Variants in DDR2 observed in about 807,000 individuals in gnomAD.
DDR2 encodes discoidin domain receptor tyrosine kinase 2.
In DDR2, 27 loss-of-function variants were observed where a neutral mutation model predicts 94.9. The observed-to-expected ratio is 0.28, with a 90% CI of 0.21 to 0.39. DDR2 has a LOEUF of 0.39. Ranked by LOEUF, DDR2 falls within the 10% of genes least tolerant of loss-of-function variation. DDR2 has a pLI of 1.00. For synonymous variants in DDR2, 382 were observed against 377.2 expected (o/e 1.01, Z -0.15); for missense variants, 783 against 1,076.0 (o/e 0.73, Z 3.81).
At chr1:162,684,893 G>A (rs1429422391) in intron 2 of DDR2, among the ~76,000 whole-genome samples, 3 of 151,230 alleles carry the variant, frequency 2.0e-5, no homozygotes, top group Non-Finnish European at 4.4e-5. Context: ...GCTACCTTAT[G>A]TGATTCCTAC....
intron 2 of DDR2, among the ~76,000 whole-genome samples, chr1:162,702,401 C>T (rs1660472054): frequency 6.6e-6 from 1 of 152,132 alleles, no homozygotes; most frequent in Admixed American, 6.5e-5. Flanking sequence ...TCAGAAAAAA[C>T]AAGAATACCA....
rs987905999 is a variant in DDR2, at chr1:162,784,549, C to T, written c.*4303C>T. ...TAAAAACAGATTAATGTGTTTTTCACTTAGTAAATGTTTTCAAGAGCTGAA... is the reference window on the plus strand; with the variant it reads ...TAAAAACAGATTAATGTGTTTTTCATTTAGTAAATGTTTTCAAGAGCTGAA... On this transcript the variant is annotated 3_prime_UTR_variant, in exon 18 of 18. Coordinates refer to ENST00000367921, the MANE Select transcript of DDR2 (RefSeq NM_006182.4). 2 of 152,358 alleles carry T rather than the reference C, an allele frequency of 1.3e-5. No homozygotes were observed. Among genetic ancestry groups the T allele is most frequent in the African/African-American group, 4.8e-5 (2 of 41,336 alleles). 9.4% of individuals were successfully genotyped at this position (152,358 alleles called of 1,614,324 possible). A position where few individuals can be genotyped will look rare whatever the true frequency, so the allele number is the denominator to read the frequency against.
At chr1:162,740,910 C>G (rs139989178) in intron 3 of DDR2, among the ~76,000 whole-genome samples, 59 of 152,236 alleles carry the variant, frequency 3.9e-4, no homozygotes, top group South Asian at 4.1e-4. Flanking sequence ...GACTAAGCTA[C>G]ATGCCTCTGT....
intron 1 of DDR2, among the ~76,000 whole-genome samples, chr1:162,639,626 C>T (rs1215907146): frequency 6.6e-6 from 1 of 152,196 alleles, no homozygotes; most frequent in South Asian, 2.1e-4. Flanking sequence ...TGAAAGAAAT[C>T]CCTGATTAGC....
chr1:162,639,277 G>C (rs775891626), intron 1 of DDR2, among the ~76,000 whole-genome samples: 19 of 152,102 alleles, frequency 1.2e-4, no homozygotes, highest in Non-Finnish European at 2.6e-4. Context: ...TTGTGGTACT[G>C]GTGAAAAAAT....
rs1648062044 is a variant in DDR2, at chr1:162,784,339, C to A, written c.*4093C>A. On this transcript the variant is annotated 3_prime_UTR_variant, in exon 18 of 18. Transcript: ENST00000367921. Reference sequence around the variant, plus strand: ...AAAAGAAAATTGCAATACATGGCTACTAAGTCTTTGATCATAAGTCGAATT... The same window carrying A: ...AAAAGAAAATTGCAATACATGGCTAATAAGTCTTTGATCATAAGTCGAATT... The A allele has an allele frequency of 6.5e-6, 1 of 154,266 alleles. No individual in the cohort carries two copies. The highest frequency in any genetic ancestry group is 2.0e-4 in the South Asian group (1 of 4,904). 9.6% of individuals were successfully genotyped at this position (154,266 alleles called of 1,614,324 possible).
chr1:162,764,107 A>G (rs1435492063), intron 9 of DDR2, among the ~76,000 whole-genome samples: 2 of 152,166 alleles, frequency 1.3e-5, no homozygotes, highest in African/African-American at 4.8e-5. Flanking sequence ...TAGTTATATC[A>G]CCAGTGTGGT....
intron 1 of DDR2, among the ~76,000 whole-genome samples, chr1:162,641,618 T>C (rs1388288457): frequency 6.6e-6 from 1 of 152,212 alleles, no homozygotes; most frequent in African/African-American, 2.4e-5. Flanking sequence ...GGCACAGTTC[T>C]TATTTGTTGT....
chr1:162,642,517 C>T (rs1478245164), intron 1 of DDR2, among the ~76,000 whole-genome samples: 1 of 142,638 alleles, frequency 7.0e-6, no homozygotes, highest in Non-Finnish European at 1.5e-5. Flanking sequence ...CTTGAATTCT[C>T]GACCTCAGGT....
intron 16 of DDR2, chr1:162,777,819 T>C (rs1647667049): frequency 6.6e-6 from 1 of 152,424 alleles, no homozygotes; most frequent in African/African-American, 2.4e-5. Flanking sequence ...GCTATGACAA[T>C]TGGGTGTCCT....
intron 10 of DDR2, 49 bp from the exon 11 acceptor site, chr1:162,767,169 TCATACTTTTAC>T: frequency 6.2e-7 from 1 of 1,612,524 alleles, no homozygotes; most frequent in Non-Finnish European, 8.5e-7. Context: ...GTTCAGTCCC[TCATACTTTTAC>T]TTGACCTGTG....
chr1:162,708,853 T>A (rs75033715), intron 2 of DDR2, among the ~76,000 whole-genome samples: 302 of 152,326 alleles, frequency 2.0e-3, no homozygotes, highest in African/African-American at 6.8e-3. Context: ...ATATAGGTGT[T>A]AATGGATACA....
At chr1:162,718,997 C>G (rs1661291881) in intron 2 of DDR2, 40 bp from the exon 3 acceptor site, 1 of 1,594,254 alleles carries the variant, frequency 6.3e-7, no homozygotes, top group Non-Finnish European at 8.6e-7. Flanking sequence ...CATTTCCTCT[C>G]CTTCTCTTTC....
intron 3 of DDR2, among the ~76,000 whole-genome samples, chr1:162,728,436 A>G (rs1297866519): frequency 7.9e-5 from 12 of 152,016 alleles, no homozygotes. Context: ...ACAAATAGAA[A>G]AACAAGAGTG....
intron 2 of DDR2, 25 bp from the exon 3 acceptor site, chr1:162,719,012 T>C (rs775572796): frequency 1.9e-6 from 3 of 1,608,962 alleles, no homozygotes; most frequent in African/African-American, 1.3e-5. Context: ...TCTTTCTGTT[T>C]TCTTGCATTA....
chr1:162,718,369 T>G lies in DDR2; in HGVS notation c.-27-668T>G, dbSNP rs138661095. Among the ~76,000 whole-genome samples, 364 of 152,344 alleles carry G rather than the reference T, an allele frequency of 2.4e-3. 14 individuals carry two copies. In the East Asian group the frequency reaches 0.06, roughly 25 times the overall value. On this transcript the variant is annotated intron_variant, in intron 2 of 17. Coordinates refer to ENST00000367921, the MANE Select transcript of DDR2 (RefSeq NM_006182.4). ...AGGTTTGCTCATTGCTACTGGGATG[T>G]CATTGCCTCTAGGCCTTTTCAGCGG...
At chr1:162,637,156 C>A (rs1423999082) in intron 1 of DDR2, among the ~76,000 whole-genome samples, 1 of 152,052 alleles carries the variant, frequency 6.6e-6, no homozygotes, top group Non-Finnish European at 1.5e-5. Context: ...GATGAACAAA[C>A]CCCATGAAGT....
intron 16 of DDR2, among the ~76,000 whole-genome samples, chr1:162,778,351 G>A (rs1368203505): frequency 3.3e-5 from 5 of 152,148 alleles, no homozygotes; most frequent in African/African-American, 1.2e-4. Flanking sequence ...AATAGCTTAT[G>A]GCTGCGTTTT....
rs1261102100 is a variant in DDR2, at chr1:162,776,298, T to C, written c.2211T>C (p.Ser737=). ...ADFGMSRNLY[S]GDYYRIQGRA... is the part of the protein sequence containing the mutation. ...TTGGAATGAGCAGGAACCTGTACAG[T>C]GGTGACTATTACCGGATCCAGGGCC... The change falls in exon 16 of 18, where the codon AGT becomes AGC. Residue 737 remains serine (S), a synonymous_variant. Transcript: ENST00000367921. 1.2e-6 allele frequency: 2 copies of C among 1,614,008 alleles called. No homozygotes were observed. The highest frequency in any genetic ancestry group is 1.7e-6 in the Non-Finnish European group (2 of 1,179,954).
Sources: allele counts gnomAD v4.1 joint callset (sites outside exome capture counted in the v4.1 genomes callset), GRCh38; gene constraint gnomAD v4.1.1; transcripts MANE v1.5; gene names NCBI Gene and HGNC (gene_info 2026-07-23, HGNC 2026-07-21).